TBC1D15: variants seen among roughly 807,000 people sequenced by gnomAD.
TBC1D15 encodes the protein GAP for RAB7.
A neutral mutation model predicts 95.4 loss-of-function variants in TBC1D15; 39 were observed. The observed-to-expected ratio is 0.41, with a 90% CI of 0.32 to 0.53. The LOEUF is 0.53. TBC1D15 is among the 20% of genes least tolerant of loss of function. The pLI is 0.29. For synonymous variants in TBC1D15, 258 were observed against 261.3 expected, an observed-to-expected ratio of 0.99 and a Z score of 0.12; for missense variants, 733 against 794.3, an observed-to-expected ratio of 0.92 and a Z score of 0.93.
chr12:71,896,268 A>G (rs1898155132), intron 8 of TBC1D15, 193 bp downstream of exon 8: 3 of 500,254 alleles, frequency 6.0e-6, no homozygotes, highest in African/African-American at 1.9e-5. Flanking sequence ...TGAGTAGGAC[A>G]GAGTGAGGTG....
chr12:71,882,244 C>T (rs554599615), intron 4 of TBC1D15, among the ~76,000 whole-genome samples: 1 of 152,172 alleles, frequency 6.6e-6, no homozygotes, highest in Non-Finnish European at 1.5e-5. Flanking sequence ...CTTTATATTT[C>T]ATAAGAGTTT....
intron 4 of TBC1D15, among the ~76,000 whole-genome samples, chr12:71,880,865 C>T (rs187387824): frequency 1.3e-5 from 2 of 152,224 alleles, no homozygotes; most frequent in East Asian, 3.9e-4. Flanking sequence ...TAAAACATTC[C>T]TTTGGCTGTC....
rs139166765 is a variant in TBC1D15 at position 71,856,674 on chromosome 12, G to A, written c.31-15396G>A. On this transcript the variant is annotated intron_variant, in intron 1 of 16. Coordinates refer to ENST00000485960, the MANE Select transcript of TBC1D15 (RefSeq NM_001146213.3). ...AGAAAGGAAGAAAGGGACTGCTGAT[G>A]CTCTTTCTTTGCTTCCTGTAGTACA... Among the ~76,000 whole-genome samples the A allele has an allele frequency of 3.0e-3, 458 of 152,026 alleles. 1 individual carries two copies. The highest frequency in any genetic ancestry group is 0.017 in the Middle Eastern group (5 of 294).
chr12:71,864,016 T>C (rs945158908), intron 1 of TBC1D15, among the ~76,000 whole-genome samples: 1 of 152,164 alleles, frequency 6.6e-6, no homozygotes, highest in Non-Finnish European at 1.5e-5. Context: ...GATTTCTTTT[T>C]CACTAGGGTC....
At chr12:71,863,365 G>A (rs1280723196) in intron 1 of TBC1D15, among the ~76,000 whole-genome samples, 1 of 151,976 alleles carries the variant, frequency 6.6e-6, no homozygotes, top group Non-Finnish European at 1.5e-5. Flanking sequence ...GCGACAGAGT[G>A]AGACTCTGTC....
Position 71,889,045 on chromosome 12 carries a change from ATG to A in TBC1D15, c.554+4029_554+4030del, listed in dbSNP as rs1427672187. 1.1e-4 allele frequency among the ~76,000 whole-genome samples: 17 copies of A among 152,238 alleles called. No individual in the cohort carries two copies. The South Asian group carries it at 3.3e-3, about 30-fold the overall frequency. The stretch of plus-strand genomic sequence containing the variant: ...TATTAGGATAATATGTAAGTTTTCC[ATG>A]TGTGGGAGTGATTGAAACTCTGAGA... On this transcript the variant is annotated intron_variant, in intron 5 of 16. Transcript: ENST00000485960.
At position 71,863,448 on chromosome 12, in the gene TBC1D15, G is replaced by GT. The variant is rs890103155; in HGVS notation, c.31-8615dup. ...GGGACTTCCTTATATGTGACTTGAC[G>GT]TTTTTTTCCTGCTGTTTTTAGAATT... On this transcript the variant is annotated intron_variant, in intron 1 of 16. Coordinates refer to ENST00000485960, the MANE Select transcript of TBC1D15 (RefSeq NM_001146213.3). Among the ~76,000 whole-genome samples, 49 of 152,224 alleles carry GT rather than the reference G, an allele frequency of 3.2e-4. 1 individual carries two copies. The highest frequency in any genetic ancestry group is 9.6e-4 in the African/African-American group (40 of 41,520).
rs185207052 is a variant in TBC1D15 at position 71,850,768 on chromosome 12, C to T, written c.30+10957C>T. Among the ~76,000 whole-genome samples the T allele has an allele frequency of 1.9e-3, 288 of 152,060 alleles. 1 individual carries two copies. Among genetic ancestry groups the T allele is most frequent in the African/African-American group, 6.6e-3 (275 of 41,500 alleles). Reference sequence around the variant, plus strand: ...CTTTGGGAGACCGAGGTGGGTGGATCGTGAGGTCAGGAGATCGAGACCATC... The same window carrying T: ...CTTTGGGAGACCGAGGTGGGTGGATTGTGAGGTCAGGAGATCGAGACCATC... On this transcript the variant is annotated intron_variant, in intron 1 of 16. Transcript: ENST00000485960.
chr12:71,912,943 A>G (rs1358049827), intron 11 of TBC1D15, among the ~76,000 whole-genome samples: 2 of 152,118 alleles, frequency 1.3e-5, no homozygotes, highest in Non-Finnish European at 2.9e-5. Context: ...TTGTAAAACA[A>G]GGATAATTGA....
chr12:71,864,619 G>A (rs1891093905), intron 1 of TBC1D15, among the ~76,000 whole-genome samples: 1 of 151,706 alleles, frequency 6.6e-6, no homozygotes, highest in Non-Finnish European at 1.5e-5. Flanking sequence ...GCAGTTCTCT[G>A]CCTCAGCCTC....
At chr12:71,896,099 C>T (rs1196765795) in intron 8 of TBC1D15, 24 bp downstream of exon 8, 1 of 1,569,230 alleles carries the variant, frequency 6.4e-7, no homozygotes, top group African/African-American at 1.4e-5. Context: ...TCTAATATGG[C>T]TTGTCTTATA....
chr12:71,853,674 G>A (rs1178015057), intron 1 of TBC1D15, among the ~76,000 whole-genome samples: 1 of 152,098 alleles, frequency 6.6e-6, no homozygotes, highest in African/African-American at 2.4e-5. Context: ...AGATATTTTT[G>A]TGTTCTGTAA....
Position 71,923,626 on chromosome 12 carries a change from T to C in TBC1D15, c.*422T>C, listed in dbSNP as rs890810685. 2 of 157,562 alleles carry C rather than the reference T, an allele frequency of 1.3e-5. No individual in the cohort carries two copies. The highest frequency in any genetic ancestry group is 4.8e-5 in the African/African-American group (2 of 41,488). 9.8% of individuals were successfully genotyped at this position (157,562 alleles called of 1,614,324 possible). ...AGTAGATTGTTACCCAGTAATGAAA[T>C]AAAAAATAAAAATAAAAGGATTTTT... On this transcript the variant is annotated 3_prime_UTR_variant, in exon 17 of 17. Coordinates refer to ENST00000485960, the MANE Select transcript of TBC1D15 (RefSeq NM_001146213.3).
At chr12:71,879,121 GTC>G (rs138891683) in intron 3 of TBC1D15, among the ~76,000 whole-genome samples, 4 of 150,090 alleles carry the variant, frequency 2.7e-5, no homozygotes, top group East Asian at 2.0e-4. Context: ...TCCCTTACCT[GTC>G]TCTCTCTCTC....
intron 1 of TBC1D15, among the ~76,000 whole-genome samples, chr12:71,861,995 C>A (rs1890487744): frequency 6.6e-6 from 1 of 152,048 alleles, no homozygotes; most frequent in Non-Finnish European, 1.5e-5. Context: ...TTTGCAAGTT[C>A]TTGTTTCTGA....
At position 71,918,432 on chromosome 12, in the gene TBC1D15, G is replaced by T; in HGVS notation, c.1502-19G>T. 6.0e-6 allele frequency: 9 copies of T among 1,507,500 alleles called. No individual in the cohort carries two copies. The highest frequency in any genetic ancestry group is 8.2e-6 in the Non-Finnish European group (9 of 1,102,360). 93.4% of individuals were successfully genotyped at this position (1,507,500 alleles called of 1,614,324 possible). ...TAGCATAAGAGTAAGTCATATGTGTGTTTTTTTCTTCTGCATAGAATCTCA... is the reference window on the plus strand; with the variant it reads ...TAGCATAAGAGTAAGTCATATGTGTTTTTTTTTCTTCTGCATAGAATCTCA... On this transcript the variant is annotated intron_variant, in intron 13 of 16. Transcript: ENST00000485960.
At chr12:71,865,155 C>T (rs1231875085) in intron 1 of TBC1D15, among the ~76,000 whole-genome samples, 1 of 152,172 alleles carries the variant, frequency 6.6e-6, no homozygotes, top group Non-Finnish European at 1.5e-5. Context: ...TGTCCAGGCT[C>T]AGCATCTTAT....
At chr12:71,903,812 G>T (rs990054895) in intron 10 of TBC1D15, among the ~76,000 whole-genome samples, 8 of 151,784 alleles carry the variant, frequency 5.3e-5, no homozygotes, top group Admixed American at 6.5e-5. Flanking sequence ...TTAAGCACAC[G>T]TGGACACAAA....
chr12:71,908,364 C>G (rs1901329634), intron 11 of TBC1D15, among the ~76,000 whole-genome samples: 1 of 152,152 alleles, frequency 6.6e-6, no homozygotes, highest in African/African-American at 2.4e-5. Flanking sequence ...TTTGACTTAT[C>G]TGCTATGTGA....
Sources: gnomAD v4.1 joint callset for allele counts (sites outside exome capture counted in the v4.1 genomes callset) on GRCh38, gnomAD v4.1.1 for gene constraint, MANE v1.5 for transcripts, NCBI Gene and HGNC (gene_info 2026-07-23, HGNC 2026-07-21) for gene names.